ZNF442: variants seen among roughly 807,000 people sequenced by gnomAD.
ZNF442 encodes zinc finger protein 442.
Under a neutral mutation model 57.0 loss-of-function variants are expected in ZNF442, and 45 were observed. The ratio of observed to expected loss-of-function variants is 0.79; its 90% CI spans 0.62 to 1.01. The LOEUF (loss-of-function observed/expected upper bound fraction) is 1.01, where lower values mean the gene tolerates loss of function less well. Ranked by LOEUF, ZNF442 falls within the 50% of genes least tolerant of loss-of-function variation. The probability of loss-of-function intolerance (pLI) is 0.00; values close to 1 mark genes in which losing one functional copy is unlikely to be tolerated. For synonymous variants in ZNF442, 213 were observed against 241.8 expected (o/e 0.88, Z 1.10); for missense variants, 690 against 756.5 (o/e 0.91, Z 1.03).
chr19:12,356,627 CA>C (rs902166496), intron 3 of ZNF442, among the ~76,000 whole-genome samples: 10 of 133,820 alleles, frequency 7.5e-5, no homozygotes, highest in African/African-American at 8.9e-5. Context: ...AACTCCGTCT[CA>C]AAAAAAAAAG....
chr19:12,357,521 T>C (rs746623665), intron 3 of ZNF442, among the ~76,000 whole-genome samples: 3 of 151,764 alleles, frequency 2.0e-5, no homozygotes, highest in Non-Finnish European at 4.4e-5. Context: ...CCAGCTAATT[T>C]TGTGTATTTT....
rs867143320 is a variant in ZNF442 at position 12,351,253 on chromosome 19, G to A, written c.332C>T (p.Pro111Leu). Reference protein sequence around the residue: ...QPDSTVNEKPPGVDPCKSSVC... With the variant: ...QPDSTVNEKPLGVDPCKSSVC... ...ACTGCTTTTACATGGATCTACTCCA[G>A]GAGGTTTTTCATTCACAGTACTATC... The change falls in exon 6 of 6, where the codon CCT becomes CTT. Residue 111 changes from proline to leucine, a missense_variant. Transcript: ENST00000242804. 1 of 1,613,756 alleles carries A rather than the reference G, an allele frequency of 6.2e-7. No individual in the cohort carries two copies. Among genetic ancestry groups the A allele is most frequent in the African/African-American group, 1.3e-5 (1 of 74,928 alleles).
At chr19:12,370,603 G>T (rs150913250), upstream of ZNF442, among the ~76,000 whole-genome samples, 16 of 152,124 alleles carry the variant, frequency 1.1e-4, no homozygotes, top group African/African-American at 3.9e-4. Flanking sequence ...GAAGCTCCCA[G>T]GCCATCTGGA....
chr19:12,369,541 C>T (rs1307999831), upstream of ZNF442, among the ~76,000 whole-genome samples: 2 of 151,540 alleles, frequency 1.3e-5, no homozygotes, highest in East Asian at 3.9e-4. Context: ...TCGCTTGAAC[C>T]CAGGAGGCAG....
chr19:12,355,486 C>G (rs201269403), intron 3 of ZNF442, among the ~76,000 whole-genome samples: 3 of 149,236 alleles, frequency 2.0e-5, no homozygotes, highest in Non-Finnish European at 4.5e-5. Flanking sequence ...CTCAGCCTCC[C>G]AAGTAGCTGA....
At chr19:12,373,135 C>T in the ZNF442 span, among the ~76,000 whole-genome samples, 7 of 152,140 alleles carry the variant, frequency 4.6e-5, no homozygotes, top group Admixed American at 2.6e-4. Flanking sequence ...GATAAGGAAT[C>T]GTCAATCTAC....
intron 3 of ZNF442, among the ~76,000 whole-genome samples, chr19:12,362,251 C>T (rs1462613895): frequency 6.6e-6 from 1 of 151,950 alleles, no homozygotes; most frequent in Non-Finnish European, 1.5e-5. Flanking sequence ...CTCTTCCTGG[C>T]CGTCATCCCG....
At chr19:12,360,721 T>A (rs1259921457) in intron 3 of ZNF442, among the ~76,000 whole-genome samples, 1 of 151,896 alleles carries the variant, frequency 6.6e-6, no homozygotes, top group Non-Finnish European at 1.5e-5. Context: ...CGACTTCAGG[T>A]GTGGGCCACC....
At chr19:12,362,900 T>C (rs1437971264) in intron 3 of ZNF442, among the ~76,000 whole-genome samples, 4 of 147,882 alleles carry the variant, frequency 2.7e-5, no homozygotes, top group Admixed American at 1.3e-4. Context: ...AAAAAAAAAA[T>C]TGGAGGCTGA....
rs573862292 is a variant in ZNF442 at position 12,359,375 on chromosome 19, C to T, written c.78+4179G>A. The stretch of plus-strand genomic sequence containing the variant: ...GTTCTTTGTGTTCTGGACAAGCAGC[C>T]GTAAAACAAAACAAAATAAAAGCAC... On this transcript the variant is annotated intron_variant, in intron 3 of 5. Transcript: ENST00000242804. Among the ~76,000 whole-genome samples, 15 of 152,188 alleles carry T rather than the reference C, an allele frequency of 9.9e-5. No homozygotes were observed. The South Asian group carries it at 2.5e-3, about 25-fold the overall frequency.
chr19:12,362,634 G>T (rs935064801), intron 3 of ZNF442, among the ~76,000 whole-genome samples: 12 of 148,200 alleles, frequency 8.1e-5, no homozygotes, highest in African/African-American at 3.1e-4. Flanking sequence ...CGGGAGGTGG[G>T]GGGCGCCTCT....
At chr19:12,368,680 A>C (rs1336743850), upstream of ZNF442, among the ~76,000 whole-genome samples, 1 of 151,796 alleles carries the variant, frequency 6.6e-6, no homozygotes, top group Non-Finnish European at 1.5e-5. Flanking sequence ...TTCTTTAAAA[A>C]CCCCTGGGTT....
At chr19:12,359,322 A>G (rs1210518168) in intron 3 of ZNF442, among the ~76,000 whole-genome samples, 1 of 152,224 alleles carries the variant, frequency 6.6e-6, no homozygotes, top group Admixed American at 6.5e-5. Flanking sequence ...GTAAGATGAC[A>G]GAAAATCACC....
upstream of ZNF442, among the ~76,000 whole-genome samples, chr19:12,369,589 G>A (rs548378402): frequency 9.4e-5 from 14 of 148,928 alleles, no homozygotes; most frequent in Admixed American, 2.7e-4. Flanking sequence ...CAACAAGAGC[G>A]AAACTCCATC....
Position 12,351,267 on chromosome 19 carries a change from C to T in ZNF442, c.318G>A (p.Val106=), listed in dbSNP as rs1969232954. The T allele has an allele frequency of 1.2e-6, 2 of 1,614,192 alleles. No homozygotes were observed. Among genetic ancestry groups the T allele is most frequent in the Non-Finnish European group, 8.5e-7 (1 of 1,180,036 alleles). ...GATCTACTCCAGGAGGTTTTTCATT[C>T]ACAGTACTATCTGGCTGGCGACTTT... ...FSESRQPDST[V]NEKPPGVDPC... is the part of the protein sequence containing the mutation. Residue 106 remains valine, a synonymous_variant, in exon 6 of 6, where the codon GTG becomes GTA. Coordinates refer to ENST00000242804, the MANE Select transcript of ZNF442 (RefSeq NM_030824.3).
upstream of ZNF442, chr19:12,365,829 G>A (rs1165330629): frequency 6.3e-6 from 1 of 158,186 alleles, no homozygotes. Context: ...AGATGAAGCG[G>A]TTCCAGACAC....
At chr19:12,373,055 A>T in the ZNF442 span, among the ~76,000 whole-genome samples, 3 of 152,200 alleles carry the variant, frequency 2.0e-5, no homozygotes, top group African/African-American at 4.8e-5. Flanking sequence ...TACAGGTGTC[A>T]GCCACCGCAC....
At chr19:12,356,498 G>T (rs1969331540) in intron 3 of ZNF442, among the ~76,000 whole-genome samples, 1 of 151,942 alleles carries the variant, frequency 6.6e-6, no homozygotes. Flanking sequence ...ATGGTGGCGG[G>T]TGCCTGTAAT....
upstream of ZNF442, among the ~76,000 whole-genome samples, chr19:12,366,446 G>A (rs1032735368): frequency 2.6e-5 from 4 of 151,844 alleles, no homozygotes; most frequent in African/African-American, 4.9e-5. Flanking sequence ...CTCAAACCAC[G>A]TTTTAAACCT....
Sources: gnomAD v4.1 joint callset for allele counts (sites outside exome capture counted in the v4.1 genomes callset) on GRCh38, gnomAD v4.1.1 for gene constraint, MANE v1.5 for transcripts, NCBI Gene and HGNC (gene_info 2026-07-23, HGNC 2026-07-21) for gene names.